The following PSD3 variants were observed in gnomAD, a reference collection of about 807,000 sequenced individuals.
The protein encoded by PSD3 is PH and SEC7 domain-containing protein 3.
PSD3 carries 49 observed loss-of-function variants against 105.5 expected under a neutral mutation model. That is an observed-to-expected ratio of 0.46 (90% CI 0.37 to 0.59). PSD3 has a LOEUF of 0.59. Ranked by LOEUF, PSD3 falls within the 20% of genes least tolerant of loss-of-function variation. PSD3 has a pLI of 0.00. For synonymous variants in PSD3, 557 were observed against 457.8 expected (o/e 1.22, Z -2.77); for missense variants, 1,561 against 1,263.8 (o/e 1.24, Z -3.57).
intron 11 of PSD3, among the ~76,000 whole-genome samples, chr8:18,612,356 G>A (rs1041894694): frequency 4.0e-5 from 6 of 149,800 alleles, no homozygotes; most frequent in African/African-American, 9.9e-5. Context: ...TGAGAACACC[G>A]CTTTAACGTT....
intron 9 of PSD3, among the ~76,000 whole-genome samples, chr8:18,759,354 T>G (rs1301745132): frequency 6.6e-6 from 1 of 152,180 alleles, no homozygotes; most frequent in African/African-American, 2.4e-5. Flanking sequence ...CTAACTAGAA[T>G]TATTCTTAGA....
intron 9 of PSD3, among the ~76,000 whole-genome samples, chr8:18,714,638 T>A (rs370144986): frequency 9.8e-5 from 15 of 152,316 alleles, no homozygotes; most frequent in African/African-American, 3.6e-4. Context: ...CAACAGATGC[T>A]GGTGAGGCTT....
chr8:18,629,864 A>G (rs939337733), intron 11 of PSD3, among the ~76,000 whole-genome samples: 15 of 152,102 alleles, frequency 9.9e-5, no homozygotes, highest in Admixed American at 2.0e-4. Context: ...GTAAATTATT[A>G]GAAACCATGC....
intron 9 of PSD3, among the ~76,000 whole-genome samples, chr8:18,730,870 G>A (rs1268756786): frequency 2.6e-5 from 4 of 151,746 alleles, no homozygotes; most frequent in East Asian, 1.9e-4. Flanking sequence ...ATAAATAGCC[G>A]ATAATAACAT....
chr8:18,677,018 G>A (rs757109177), intron 9 of PSD3, among the ~76,000 whole-genome samples: 2 of 152,216 alleles, frequency 1.3e-5, no homozygotes, highest in Admixed American at 1.3e-4. Flanking sequence ...AACAGTGATC[G>A]TAAAGATCTG....
intron 1 of PSD3, among the ~76,000 whole-genome samples, chr8:19,079,337 T>A (rs1829567097): frequency 1.3e-5 from 2 of 152,196 alleles, no homozygotes. Context: ...AAATACCACA[T>A]TCTTTTAAAA....
chr8:18,859,476 T>C (rs1348972542), intron 4 of PSD3, among the ~76,000 whole-genome samples: 1 of 152,222 alleles, frequency 6.6e-6, no homozygotes, highest in Non-Finnish European at 1.5e-5. Context: ...TTTCAAGCTT[T>C]AAGAAAAGGC....
chr8:18,543,526 G>A (rs1410253851), intron 15 of PSD3, among the ~76,000 whole-genome samples: 1 of 151,944 alleles, frequency 6.6e-6, no homozygotes, highest in African/African-American at 2.4e-5. Flanking sequence ...GCTGAGGCAG[G>A]AGAATGGCCT....
intron 4 of PSD3, among the ~76,000 whole-genome samples, chr8:18,846,898 C>T (rs1386589270): frequency 1.3e-5 from 2 of 152,048 alleles, no homozygotes; most frequent in East Asian, 1.9e-4. Context: ...AGCTCAGAAA[C>T]GGGTAGGTGA....
intron 2 of PSD3, among the ~76,000 whole-genome samples, chr8:18,918,123 T>C (rs1459687349): frequency 1.3e-5 from 2 of 152,236 alleles, no homozygotes; most frequent in Non-Finnish European, 2.9e-5. Flanking sequence ...TGCTTTAGCA[T>C]GGCACGTAAG....
intron 4 of PSD3, among the ~76,000 whole-genome samples, chr8:18,839,700 G>C (rs1368631835): frequency 1.3e-5 from 2 of 152,128 alleles, no homozygotes; most frequent in Non-Finnish European, 2.9e-5. Context: ...CATCACCACT[G>C]TAAGTCAACT....
chr8:18,826,792 T>G (rs1813222611), intron 4 of PSD3, among the ~76,000 whole-genome samples: 1 of 152,192 alleles, frequency 6.6e-6, no homozygotes, highest in Non-Finnish European at 1.5e-5. Flanking sequence ...AACACTGAGA[T>G]GAATATTTCT....
Position 18,791,527 on chromosome 8 carries a change from C to T in PSD3, c.2082+7768G>A, listed in dbSNP as rs183596436. ...GTGCTAGAAAAACTGGGTAGCCATACGCAGAAAACTGAAACTGGATCCCTT... is the reference window on the plus strand; with the variant it reads ...GTGCTAGAAAAACTGGGTAGCCATATGCAGAAAACTGAAACTGGATCCCTT... On this transcript the variant is annotated intron_variant, in intron 8 of 15. Transcript: ENST00000327040. Among the ~76,000 whole-genome samples the T allele has an allele frequency of 1.1e-4, 17 of 152,164 alleles. 1 individual carries two copies. The highest frequency in any genetic ancestry group is 4.6e-4 in the Admixed American group (7 of 15,268).
chr8:18,907,480 T>A (rs1417118322), intron 2 of PSD3, among the ~76,000 whole-genome samples: 1 of 152,228 alleles, frequency 6.6e-6, no homozygotes, highest in Non-Finnish European at 1.5e-5. Flanking sequence ...TGGCCTTTTA[T>A]CTTTTCTATT....
intron 4 of PSD3, among the ~76,000 whole-genome samples, chr8:18,861,069 C>T (rs79052121): frequency 0.11 from 16,867 of 152,156 alleles, 1,172 homozygotes; most frequent in Admixed American, 0.22. Flanking sequence ...AATCCAGGAC[C>T]ATTTCCTGAA....
intron 10 of PSD3, among the ~76,000 whole-genome samples, chr8:18,637,354 C>T (rs532866146): frequency 1.3e-5 from 2 of 152,022 alleles, no homozygotes; most frequent in African/African-American, 4.8e-5. Context: ...TTTGAAAATG[C>T]ATTTCTTGTG....
chr8:18,627,153 T>TATA (rs1251988285), intron 11 of PSD3, among the ~76,000 whole-genome samples: 3 of 152,080 alleles, frequency 2.0e-5, no homozygotes, highest in African/African-American at 7.2e-5. Flanking sequence ...ACAAATGAGT[T>TATA]AAGACTGGCT....
At chr8:18,825,452 T>C (rs1158100050) in intron 4 of PSD3, among the ~76,000 whole-genome samples, 7 of 152,314 alleles carry the variant, frequency 4.6e-5, no homozygotes, top group Non-Finnish European at 5.9e-5. Flanking sequence ...AGGCATTCAG[T>C]GTCCACTGGC....
At chr8:18,684,181 C>T (rs904252913) in intron 9 of PSD3, 6 of 374,820 alleles carry the variant, frequency 1.6e-5, no homozygotes, top group Non-Finnish European at 3.0e-5. Context: ...ATGCAATCCA[C>T]CCCTGCTACT....
Sources: allele counts gnomAD v4.1 joint callset (sites outside exome capture counted in the v4.1 genomes callset), GRCh38; gene constraint gnomAD v4.1.1; transcripts MANE v1.5; gene names NCBI Gene and HGNC (gene_info 2026-07-23, HGNC 2026-07-21).